The following PIF1 variants were observed in gnomAD, a reference collection of about 807,000 sequenced individuals.
The protein encoded by PIF1 is PIF1 5'-to-3' DNA helicase.
In PIF1, 67 loss-of-function variants were observed where a neutral mutation model predicts 62.3. The ratio of observed to expected loss-of-function variants is 1.08; its 90% CI spans 0.88 to 1.32. The LOEUF is 1.32. Ranked by LOEUF, PIF1 falls within the 40% of genes most tolerant of loss-of-function variation. The pLI is 0.00. For missense variants in PIF1, 886 were observed against 866.1 expected (o/e 1.02, Z -0.29); for synonymous variants, 364 against 379.5 (o/e 0.96, Z 0.47).
chr15:64,824,104 TGAAGAGGCGCGCGGCGCGCA>T lies in PIF1; in HGVS notation c.212_231del (p.Leu71HisfsTer108). On this transcript the variant is annotated frameshift_variant, in exon 2 of 13. Coordinates refer to ENST00000559239, the MANE Select transcript of PIF1 (RefSeq NM_001286496.2). LOFTEE classifies it high-confidence loss of function. ...CTGCGCCCGGCCTCGGCGAAACGCGTGAAGAGGCGCGCGGCGCGCAGAGGAAAGCAGCGCGGCCGCCCCGC... is the reference window on the plus strand; with the variant it reads ...CTGCGCCCGGCCTCGGCGAAACGCGTGAGGAAAGCAGCGCGGCCGCCCCGC... 7.9e-7 allele frequency: 1 copy of T among 1,268,512 alleles called. No homozygotes were observed. The allele number at this position is 1,268,512 out of a possible 1,614,324, so 78.6% of individuals were successfully genotyped here.
rs889905916 is a variant in PIF1, at chr15:64,824,113, G to A, written c.223C>T (p.Arg75Cys). ...RPRCFPLRAA[R>C]LFTRFAEAGR... Reference sequence around the variant, plus strand: ...GCCTCGGCGAAACGCGTGAAGAGGCGCGCGGCGCGCAGAGGAAAGCAGCGC... The same window carrying A: ...GCCTCGGCGAAACGCGTGAAGAGGCACGCGGCGCGCAGAGGAAAGCAGCGC... The change falls in exon 2 of 13, where the codon CGC becomes TGC. Residue 75 changes from arginine to cysteine, a missense_variant. Physicochemically the swap from Arg to Cys is radical, Grantham distance 180. Transcript: ENST00000559239. 1 of 1,272,538 alleles carries A rather than the reference G, an allele frequency of 7.9e-7. No homozygotes were observed. Among genetic ancestry groups the A allele is most frequent in the South Asian group, 2.7e-5 (1 of 37,248 alleles). 78.8% of individuals were successfully genotyped at this position (1,272,538 alleles called of 1,614,324 possible).
At chr15:64,823,583 G>A in intron 2 of PIF1, 195 bp downstream of exon 2, 1 of 412,292 alleles carries the variant, frequency 2.4e-6, no homozygotes, top group South Asian at 1.4e-4. Context: ...CCCATTTCCT[G>A]TTTTGATTTA....
chr15:64,826,991 T>C (rs2084379119), upstream of PIF1, among the ~76,000 whole-genome samples: 1 of 152,014 alleles, frequency 6.6e-6, no homozygotes, highest in Non-Finnish European at 1.5e-5. Context: ...CCTGCTCGCT[T>C]AATCACTCCA....
chr15:64,821,348 G>C lies in PIF1; in HGVS notation c.971+19C>G. On this transcript the variant is annotated intron_variant, in intron 5 of 12. Transcript: ENST00000559239. ...CACCAGGTCCCAGTTCTCACCTGCT[G>C]CCCTCTGAACATACTGACCTGGCCA... 5 of 1,613,924 alleles carry C rather than the reference G, an allele frequency of 3.1e-6. No individual in the cohort carries two copies. The highest frequency in any genetic ancestry group is 3.4e-6 in the Non-Finnish European group (4 of 1,179,848).
chr15:64,816,861 TCTC>T (rs2084193863), intron 11 of PIF1, 96 bp from the exon 12 acceptor site: 3 of 1,176,362 alleles, frequency 2.6e-6, no homozygotes, highest in Non-Finnish European at 3.5e-6. Context: ...TGCCCCTGGA[TCTC>T]CTCGTCCAGT....
chr15:64,822,604 G>A lies in PIF1; in HGVS notation c.565C>T (p.Pro189Ser), dbSNP rs2084307596. ...CTCTTCACAGGCAGGGGCCACCTTG[G>A]GGCTTCCTGGGGGGAACAGAGCTAT... ...QAGAEPSTEAPRWPLPVKRLS... is the reference protein window; with the variant it reads ...QAGAEPSTEASRWPLPVKRLS... Residue 189 changes from proline to serine, a missense_variant, in exon 3 of 13, where the codon CCA becomes TCA. Pro to Ser is a moderately conservative substitution (Grantham distance 74). Coordinates refer to ENST00000559239, the MANE Select transcript of PIF1 (RefSeq NM_001286496.2). 1.2e-6 allele frequency: 2 copies of A among 1,613,660 alleles called. No homozygotes were observed. The highest frequency in any genetic ancestry group is 1.7e-6 in the Non-Finnish European group (2 of 1,179,998).
rs1172604642 is a variant in PIF1 at position 64,824,289 on chromosome 15, T to C, written c.47A>G (p.Glu16Gly). ...EAAAGEYEDS[E>G]LRCRVAVEEL... ...CTCCACAGCCACGCGGCACCGCAGCTCCGAGTCCTCATATTCCCCTGCCGC... is the reference window on the plus strand; with the variant it reads ...CTCCACAGCCACGCGGCACCGCAGCCCCGAGTCCTCATATTCCCCTGCCGC... Residue 16 changes from glutamate (E) to glycine (G), a missense_variant, in exon 2 of 13, where the codon GAG becomes GGG. Physicochemically the swap from Glu to Gly is moderately conservative, Grantham distance 98 (BLOSUM62 -2). Transcript: ENST00000559239. The C allele has an allele frequency of 7.9e-7, 1 of 1,267,942 alleles. No individual in the cohort carries two copies. The highest frequency in any genetic ancestry group is 9.9e-7 in the Non-Finnish European group (1 of 1,005,350). 78.5% of individuals were successfully genotyped at this position (1,267,942 alleles called of 1,614,324 possible). A position where few individuals can be genotyped will look rare whatever the true frequency, so the allele number is the denominator to read the frequency against.
chr15:64,825,629 C>G lies in PIF1; in HGVS notation c.-80G>C, dbSNP rs1195305979. ...CTCAGATGAACAAGCAGATCGTAGC[C>G]GGCCTGTGGCTAAGCTCCGAAACTA... On this transcript the variant is annotated 5_prime_UTR_variant, in exon 1 of 13. Transcript: ENST00000559239. 6.6e-6 allele frequency: 1 copy of G among 152,154 alleles called. No homozygotes were observed. Among genetic ancestry groups the G allele is most frequent in the Non-Finnish European group, 1.5e-5 (1 of 68,036 alleles). 9.4% of individuals were successfully genotyped at this position (152,154 alleles called of 1,614,324 possible).
At chr15:64,826,657 TATATATATACAC>T (rs1279946168), upstream of PIF1, among the ~76,000 whole-genome samples, 408 of 46,172 alleles carry the variant, frequency 8.8e-3, 12 homozygotes, top group African/African-American at 0.03. Context: ...TATATATATA[TATATATATACAC>T]ACACACACAC....
intron 11 of PIF1, among the ~76,000 whole-genome samples, chr15:64,817,360 C>T (rs2084201545): frequency 6.6e-6 from 1 of 152,058 alleles, no homozygotes; most frequent in African/African-American, 2.4e-5. Flanking sequence ...GCCTGGCCAA[C>T]ATGGCAAAAC....
intron 7 of PIF1, 27 bp from the exon 8 acceptor site, chr15:64,820,013 AG>A: frequency 1.2e-6 from 2 of 1,607,220 alleles, no homozygotes. Context: ...GTCAGGGCAG[AG>A]CCCACCTGTG....
Position 64,824,176 on chromosome 15 carries a change from T to C in PIF1, c.160A>G (p.Met54Val). The C allele has an allele frequency of 7.5e-7, 1 of 1,334,280 alleles. No individual in the cohort carries two copies. The highest frequency in any genetic ancestry group is 9.6e-7 in the Non-Finnish European group (1 of 1,039,506). The allele number at this position is 1,334,280 out of a possible 1,614,324, so 82.7% of individuals were successfully genotyped here. Residue 54 changes from methionine to valine, a missense_variant, in exon 2 of 13, where the codon ATG becomes GTG. Transcript: ENST00000559239. ...GGCCCTGGCGCTTGCAGCCGCAGCA[T>C]CAACTCGCGGCGCTCGTTGCGACCC... ...SLGRNERREL[M>V]LRLQAPGPAG...
intron 8 of PIF1, among the ~76,000 whole-genome samples, 178 bp downstream of exon 8, chr15:64,819,669 G>A (rs1430129037): frequency 6.6e-6 from 1 of 152,186 alleles, no homozygotes; most frequent in Non-Finnish European, 1.5e-5. Context: ...GCAGGCCTGG[G>A]GGGCTGTGGA....
Position 64,821,089 on chromosome 15 carries a change from C to A in PIF1, c.1087-1G>T. 2 of 1,496,562 alleles carry A rather than the reference C, an allele frequency of 1.3e-6. No homozygotes were observed. The highest frequency in any genetic ancestry group is 1.9e-6 in the Non-Finnish European group (2 of 1,076,442). The allele number at this position is 1,496,562 out of a possible 1,614,324, so 92.7% of individuals were successfully genotyped here. A position where few individuals can be genotyped will look rare whatever the true frequency, so the allele number is the denominator to read the frequency against. ...GCACACACCTCTTCCAGCTCTTGGACTGGTGGGGGCAGGGTGGGGGTGGGT... is the reference window on the plus strand; with the variant it reads ...GCACACACCTCTTCCAGCTCTTGGAATGGTGGGGGCAGGGTGGGGGTGGGT... On this transcript the variant is annotated splice_acceptor_variant, in intron 6 of 12. Transcript: ENST00000559239. LOFTEE classifies it high-confidence loss of function.
At chr15:64,823,361 C>G (rs1283110115) in intron 2 of PIF1, 1 of 154,146 alleles carries the variant, frequency 6.5e-6, no homozygotes, top group African/African-American at 2.4e-5. Flanking sequence ...TATTCTCCTG[C>G]CTCAGCCTCC....
Position 64,819,871 on chromosome 15 carries a change from C to G in PIF1, c.1309G>C (p.Glu437Gln). Residue 437 changes from glutamate to glutamine, a missense_variant, in exon 8 of 13, where the codon GAG becomes CAG. Coordinates refer to ENST00000559239, the MANE Select transcript of PIF1 (RefSeq NM_001286496.2). ...CCTGGCAGCTCCTGAAGCCGCCTCT[C>G]GTTGGTGAGGGCCACATCATCCTGG... Reference protein sequence around the residue: ...THQDDVALTNERRLQELPGKV... With the variant: ...THQDDVALTNQRRLQELPGKV... 6.2e-7 allele frequency: 1 copy of G among 1,613,894 alleles called. No individual in the cohort carries two copies. Among genetic ancestry groups the G allele is most frequent in the South Asian group, 1.1e-5 (1 of 91,082 alleles).
chr15:64,822,041 C>T (rs1190804147), intron 4 of PIF1: 3 of 562,178 alleles, frequency 5.3e-6, no homozygotes, highest in Middle Eastern at 4.8e-4. Context: ...CGCCCGGCCG[C>T]TAATTTTTAA....
At position 64,818,322 on chromosome 15, in the gene PIF1, G is replaced by C. The variant is rs377391279; in HGVS notation, c.1463C>G (p.Ser488Trp). Residue 488 changes from serine to tryptophan, a missense_variant, in exon 10 of 13, where the codon TCG becomes TGG. Transcript: ENST00000559239. ...GAQVMLVKNL[S>W]VSRGLVNGAR... is the part of the protein sequence containing the mutation. ...ACCATTCACCAGGCCCCGAGACACC[G>C]ATAAGTTTTTCACCAGCATCACCTG... 8 of 1,613,968 alleles carry C rather than the reference G, an allele frequency of 5.0e-6. No individual in the cohort carries two copies. The highest frequency in any genetic ancestry group is 1.3e-5 in the African/African-American group (1 of 74,970).
upstream of PIF1, among the ~76,000 whole-genome samples, chr15:64,826,033 G>T (rs2084364177): frequency 6.6e-6 from 1 of 152,118 alleles, no homozygotes; most frequent in Non-Finnish European, 1.5e-5. Context: ...ATCTGCCTTT[G>T]GACTCTCACA....
Sources: gnomAD v4.1 joint callset for allele counts (sites outside exome capture counted in the v4.1 genomes callset) on GRCh38, gnomAD v4.1.1 for gene constraint, MANE v1.5 for transcripts, NCBI Gene and HGNC (gene_info 2026-07-23, HGNC 2026-07-21) for gene names.